Variants in SETBP1 observed in about 807,000 individuals in gnomAD.
SETBP1 encodes the protein SET binding protein 1.
SETBP1 carries 9 observed loss-of-function variants against 101.0 expected under a neutral mutation model. The observed-to-expected ratio is 0.09, with a 90% CI of 0.05 to 0.16. The LOEUF is 0.16. Among genes scored for constraint, SETBP1 ranks in the 10% least tolerant of loss-of-function variants. The pLI, the probability that SETBP1 is intolerant of heterozygous loss-of-function variation, is 1.00. For missense variants in SETBP1, 1,858 were observed against 2,033.8 expected, an observed-to-expected ratio of 0.91 and a Z score of 1.66; for synonymous variants, 818 against 788.5, an observed-to-expected ratio of 1.04 and a Z score of -0.63.
At chr18:44,687,474 G>C (rs146130631) in intron 1 of SETBP1, among the ~76,000 whole-genome samples, 1 of 152,152 alleles carries the variant, frequency 6.6e-6, no homozygotes, top group Admixed American at 6.5e-5. Context: ...AATAGAATTG[G>C]GGGGAGCACT....
intron 2 of SETBP1, among the ~76,000 whole-genome samples, chr18:44,831,802 G>T (rs2072376627): frequency 6.6e-6 from 1 of 152,124 alleles, no homozygotes; most frequent in African/African-American, 2.4e-5. Context: ...TATTATTTAG[G>T]TGATTGTGAC....
chr18:44,781,217 GA>G (rs2071123088), intron 2 of SETBP1, among the ~76,000 whole-genome samples: 1 of 152,180 alleles, frequency 6.6e-6, no homozygotes, highest in African/African-American at 2.4e-5. Context: ...GCGAGGGAAT[GA>G]AATGACCTTA....
intron 2 of SETBP1, among the ~76,000 whole-genome samples, chr18:44,859,675 AG>A (rs1335354945): frequency 1.3e-5 from 2 of 152,222 alleles, no homozygotes; most frequent in African/African-American, 4.8e-5. Flanking sequence ...AACAGGCTAA[AG>A]TAGGTCCTGA....
chr18:44,885,870 A>T (rs1294072310), intron 3 of SETBP1, among the ~76,000 whole-genome samples: 1 of 144,614 alleles, frequency 6.9e-6, no homozygotes, highest in Non-Finnish European at 1.5e-5. Context: ...AAAAAAAAAC[A>T]AGGTGACTTA....
At chr18:44,735,916 A>T (rs1358219092) in intron 2 of SETBP1, among the ~76,000 whole-genome samples, 1 of 152,206 alleles carries the variant, frequency 6.6e-6, no homozygotes, top group African/African-American at 2.4e-5. Flanking sequence ...CAGCCTGAGG[A>T]ACATATACTG....
intron 2 of SETBP1, among the ~76,000 whole-genome samples, chr18:44,776,996 T>A (rs1568138006): frequency 6.6e-6 from 1 of 152,124 alleles, no homozygotes. Context: ...AAGGCAGAGA[T>A]GCTTTAGAGG....
chr18:45,014,836 AAATAAAT>A (rs2072909663), intron 4 of SETBP1, among the ~76,000 whole-genome samples: 1 of 152,220 alleles, frequency 6.6e-6, no homozygotes, highest in Non-Finnish European at 1.5e-5. Context: ...AATGATATTT[AAATAAAT>A]AATAATTAAT....
At chr18:44,882,079 G>A (rs993752885) in intron 3 of SETBP1, among the ~76,000 whole-genome samples, 1 of 151,936 alleles carries the variant, frequency 6.6e-6, no homozygotes, top group African/African-American at 2.4e-5. Flanking sequence ...AGAATCATTT[G>A]GTGGAATGTC....
intron 2 of SETBP1, among the ~76,000 whole-genome samples, chr18:44,778,697 T>C (rs1326600956): frequency 6.6e-6 from 1 of 152,222 alleles, no homozygotes; most frequent in Non-Finnish European, 1.5e-5. Context: ...CTTCCTTTTT[T>C]GCATCTGTTC....
In SETBP1 at chr18:45,062,535, C is replaced by G. The variant is rs144399042; in HGVS notation, c.4172-544C>G. Reference sequence around the variant, plus strand: ...AAATGGTTCAGTTACATATTCTTATCCTTGATCAGGCCAAGGCATCTCTTC... The same window carrying G: ...AAATGGTTCAGTTACATATTCTTATGCTTGATCAGGCCAAGGCATCTCTTC... On this transcript the variant is annotated intron_variant, in intron 5 of 5. Coordinates refer to ENST00000649279, the MANE Select transcript of SETBP1 (RefSeq NM_015559.3). Among the ~76,000 whole-genome samples, 63 of 152,306 alleles carry G rather than the reference C, an allele frequency of 4.1e-4. No homozygotes were observed. The Middle Eastern group carries it at 0.017, about 41-fold the overall frequency.
intron 4 of SETBP1, among the ~76,000 whole-genome samples, chr18:44,997,911 T>C (rs2072532462): frequency 6.6e-6 from 1 of 152,244 alleles, no homozygotes; most frequent in Non-Finnish European, 1.5e-5. Flanking sequence ...TAATTGAAAC[T>C]AATTATGAGG....
At chr18:44,973,860 A>G (rs1329076652) in intron 4 of SETBP1, among the ~76,000 whole-genome samples, 50 of 152,150 alleles carry the variant, frequency 3.3e-4, no homozygotes, top group Admixed American at 3.3e-3. Flanking sequence ...GCATTTTCGG[A>G]TACCACACAA....
chr18:44,948,499 T>TGATTGATA (rs148315292), intron 3 of SETBP1, among the ~76,000 whole-genome samples: 2 of 149,738 alleles, frequency 1.3e-5, no homozygotes, highest in African/African-American at 5.0e-5. Flanking sequence ...CAAAGATAGA[T>TGATTGATA]GATAGATAGA....
At chr18:44,897,081 T>C (rs1159761820) in intron 3 of SETBP1, among the ~76,000 whole-genome samples, 2 of 152,170 alleles carry the variant, frequency 1.3e-5, no homozygotes, top group Non-Finnish European at 2.9e-5. Context: ...CTCCTCACTT[T>C]TGATTTTCTG....
intron 3 of SETBP1, among the ~76,000 whole-genome samples, chr18:44,928,958 G>T (rs1476936903): frequency 6.6e-6 from 1 of 152,056 alleles, no homozygotes; most frequent in Non-Finnish European, 1.5e-5. Flanking sequence ...GTCAATTTTG[G>T]CTTTTGTTGT....
intron 5 of SETBP1, among the ~76,000 whole-genome samples, chr18:45,039,884 A>G (rs755654146): frequency 5.9e-5 from 9 of 152,222 alleles, no homozygotes; most frequent in Non-Finnish European, 1.0e-4. Flanking sequence ...CACTTCCCCA[A>G]TTGAATTCAG....
intron 4 of SETBP1, among the ~76,000 whole-genome samples, chr18:44,960,301 C>T (rs2071585062): frequency 6.6e-6 from 1 of 152,072 alleles, no homozygotes; most frequent in African/African-American, 2.4e-5. Flanking sequence ...TTTTCCCGTA[C>T]TCCGAGGCTT....
intron 5 of SETBP1, among the ~76,000 whole-genome samples, chr18:45,042,345 T>A (rs574811238): frequency 1.2e-3 from 182 of 152,254 alleles, no homozygotes; most frequent in South Asian, 5.6e-3. Context: ...AGGCGGGGTT[T>A]CACCGTGTTG....
At chr18:44,973,588 A>G (rs761506026) in intron 4 of SETBP1, among the ~76,000 whole-genome samples, 13 of 152,194 alleles carry the variant, frequency 8.5e-5, no homozygotes, top group Non-Finnish European at 1.8e-4. Flanking sequence ...AGAGTCATCA[A>G]TGCTTCCTGG....
Sources: gnomAD v4.1 joint callset for allele counts (sites outside exome capture counted in the v4.1 genomes callset) on GRCh38, gnomAD v4.1.1 for gene constraint, MANE v1.5 for transcripts, NCBI Gene and HGNC (gene_info 2026-07-23, HGNC 2026-07-21) for gene names.